Variants in ZNF587 observed in about 807,000 individuals in gnomAD.
The protein encoded by ZNF587 is zinc finger protein 587.
Under a neutral mutation model 7.5 loss-of-function variants are expected in ZNF587, and 8 were observed. The ratio of observed to expected loss-of-function variants is 1.06; its 90% CI spans 0.62 to 1.92. The LOEUF (loss-of-function observed/expected upper bound fraction) is 1.92, where lower values mean the gene tolerates loss of function less well. ZNF587 is among the 40% of genes most tolerant of loss of function. ZNF587 has a pLI of 0.00. For missense variants in ZNF587, 468 were observed against 692.8 expected (o/e 0.68, Z 3.64); for synonymous variants, 145 against 237.8 (o/e 0.61, Z 3.59).
chr19:57,858,409 G>A (rs543056676), intron 2 of ZNF587, 167 bp from the exon 3 acceptor site: 33 of 1,396,496 alleles, frequency 2.4e-5, no homozygotes, highest in Non-Finnish European at 2.8e-5. Context: ...TTACAGGTGT[G>A]AGCCACCATG....
rs559734861 is a variant in ZNF587 at position 57,862,991 on chromosome 19, C to G, written c.*2851C>G. ...TTTTTTTTGAGAAGTCTCACTCTTT[C>G]ACCCAGGCTGGAGTGCAGTGGCACG... On this transcript the variant is annotated 3_prime_UTR_variant, in exon 3 of 3. Transcript: ENST00000339656. 183 of 153,774 alleles carry G rather than the reference C, an allele frequency of 1.2e-3. 1 individual carries two copies. In the South Asian group the frequency reaches 0.037, roughly 31 times the overall value. The allele number at this position is 153,774 out of a possible 1,614,324, so 9.5% of individuals were successfully genotyped here. A position where few individuals can be genotyped will look rare whatever the true frequency, so the allele number is the denominator to read the frequency against.
chr19:57,864,456 ATGATGTATAGGCAC>A lies in ZNF587; in HGVS notation c.*4317_*4330del, dbSNP rs2071480163. ...TTATCCCTAGAAATCCTATGATAGC[ATGATGTATAGGCAC>A]CTAAAGGCATGGCACTTGAGAAATG... On this transcript the variant is annotated 3_prime_UTR_variant, in exon 3 of 3. Transcript: ENST00000339656. 1 of 152,038 alleles carries A rather than the reference ATGATGTATAGGCAC, an allele frequency of 6.6e-6. No individual in the cohort carries two copies. The highest frequency in any genetic ancestry group is 2.1e-4 in the South Asian group (1 of 4,812). 9.4% of individuals were successfully genotyped at this position (152,038 alleles called of 1,614,324 possible). A position where few individuals can be genotyped will look rare whatever the true frequency, so the allele number is the denominator to read the frequency against.
chr19:57,853,255 A>C (rs758610040), intron 1 of ZNF587, among the ~76,000 whole-genome samples: 30 of 152,232 alleles, frequency 2.0e-4, no homozygotes, highest in Non-Finnish European at 3.8e-4. Flanking sequence ...ACACTGCTTC[A>C]GCTGAGATGA....
Position 57,860,168 on chromosome 19 carries a change from T to A in ZNF587, c.*28T>A, listed in dbSNP as rs1209100958. 46 of 1,613,966 alleles carry A rather than the reference T, an allele frequency of 2.9e-5. No homozygotes were observed. The highest frequency in any genetic ancestry group is 3.8e-5 in the Non-Finnish European group (45 of 1,179,966). On this transcript the variant is annotated 3_prime_UTR_variant, in exon 3 of 3. Transcript: ENST00000339656. The stretch of plus-strand genomic sequence containing the variant: ...GCAGTGAATATGGGAAATCGTTTGC[T>A]GAAGCATCCCGTCTCGTTAAACACA...
chr19:57,855,890 A>C (rs544481242), intron 1 of ZNF587: 1 of 769,476 alleles, frequency 1.3e-6, no homozygotes, highest in African/African-American at 1.8e-5. Context: ...TTATGTCAGG[A>C]CCTCAGCATG....
chr19:57,852,842 T>A (rs970584053), intron 1 of ZNF587, among the ~76,000 whole-genome samples: 1 of 90,448 alleles, frequency 1.1e-5, no homozygotes, highest in Non-Finnish European at 2.3e-5. Flanking sequence ...CAGCTAGGCT[T>A]TTTTTTTTTT....
rs1568511234 is a variant in ZNF587 at position 57,862,985 on chromosome 19, CTCTT to C, written c.*2848_*2851del. 1 of 153,878 alleles carries C rather than the reference CTCTT, an allele frequency of 6.5e-6. No individual in the cohort carries two copies. The highest frequency in any genetic ancestry group is 6.5e-5 in the Admixed American group (1 of 15,286). 9.5% of individuals were successfully genotyped at this position (153,878 alleles called of 1,614,324 possible). A position where few individuals can be genotyped will look rare whatever the true frequency, so the allele number is the denominator to read the frequency against. On this transcript the variant is annotated 3_prime_UTR_variant, in exon 3 of 3. Coordinates refer to ENST00000339656, the MANE Select transcript of ZNF587 (RefSeq NM_032828.4). Reference sequence around the variant, plus strand: ...TTTGTGTTTTTTTTGAGAAGTCTCACTCTTTCACCCAGGCTGGAGTGCAGTGGCA... The same window carrying C: ...TTTGTGTTTTTTTTGAGAAGTCTCACTCACCCAGGCTGGAGTGCAGTGGCA...
At chr19:57,854,148 T>C (rs2071320360) in intron 1 of ZNF587, 1 of 152,084 alleles carries the variant, frequency 6.6e-6, no homozygotes, top group Non-Finnish European at 1.5e-5. Flanking sequence ...ATATGGGCAG[T>C]GAAAAATATG....
At chr19:57,850,327 G>A in intron 1 of ZNF587, 1 of 639,642 alleles carries the variant, frequency 1.6e-6, no homozygotes, top group South Asian at 2.1e-5. Flanking sequence ...CTGTTCGGGA[G>A]ACAGGAGTTT....
rs1185280881 is a variant in ZNF587 at position 57,862,278 on chromosome 19, T to C, written c.*2138T>C. 1 of 152,214 alleles carries C rather than the reference T, an allele frequency of 6.6e-6. No individual in the cohort carries two copies. Among genetic ancestry groups the C allele is most frequent in the Non-Finnish European group, 1.5e-5 (1 of 68,034 alleles). The allele number at this position is 152,214 out of a possible 1,614,324, so 9.4% of individuals were successfully genotyped here. On this transcript the variant is annotated 3_prime_UTR_variant, in exon 3 of 3. Transcript: ENST00000339656. ...TTTGTACTTCCTCACAGTTCTCACA[T>C]ATGGAAAGGATACACACTTTGTAGA...
intron 1 of ZNF587, 127 bp downstream of exon 1, chr19:57,850,198 A>T: frequency 1.9e-6 from 3 of 1,559,882 alleles, no homozygotes; most frequent in South Asian, 1.1e-5. Context: ...AGGCGCTCAC[A>T]GGAGGCCTCT....
At position 57,861,773 on chromosome 19, in the gene ZNF587, C is replaced by CTTTTTTTTTTTTTTTTTTTTTTTTTTTT. The variant is rs59253366; in HGVS notation, c.*1649_*1650insTTTTTTTTTTTTTTTTTTTTTTTTTTTT. The CTTTTTTTTTTTTTTTTTTTTTTTTTTTT allele has an allele frequency of 2.5e-5, 3 of 119,272 alleles. No homozygotes were observed. Among genetic ancestry groups the CTTTTTTTTTTTTTTTTTTTTTTTTTTTT allele is most frequent in the Admixed American group, 9.6e-5 (1 of 10,406 alleles). 7.4% of individuals were successfully genotyped at this position (119,272 alleles called of 1,614,324 possible). On this transcript the variant is annotated 3_prime_UTR_variant, in exon 3 of 3. Transcript: ENST00000339656. ...TTTGCTGCAAGGAATATTTGGTTTT[C>CTTTTTTTTTTTTTTTTTTTTTTTTTTTT]TTTTTTTTTTTTTTTTCCAGATGGA...
intron 1 of ZNF587, among the ~76,000 whole-genome samples, chr19:57,853,081 G>A (rs999372391): frequency 7.2e-5 from 11 of 151,976 alleles, no homozygotes; most frequent in African/African-American, 2.7e-4. Flanking sequence ...TCAAACTCCT[G>A]ACCTCAGGAG....
intron 2 of ZNF587, 23 bp downstream of exon 2, chr19:57,856,256 T>C: frequency 6.4e-7 from 1 of 1,555,218 alleles, no homozygotes; most frequent in Non-Finnish European, 8.7e-7. Context: ...CGCTCACCTT[T>C]GTGACCTGAG....
In ZNF587 at chr19:57,859,089, CA is replaced by C; in HGVS notation, c.678del (p.Val227LeufsTer253). On this transcript the variant is annotated frameshift_variant, in exon 3 of 3. Transcript: ENST00000339656. LOFTEE classifies it low-confidence loss of function (END_TRUNC). ...KRTKAFSTKHSVIPHQKLFTR... is the reference protein window; with the variant it reads ...KRTKAFSTKHXVIPHQKLFTR... ...ACAAAAGCCTTCAGCACCAAACACT[CA>C]GTTATTCCACACCAGAAACTTTTCA... The C allele has an allele frequency of 1.2e-6, 2 of 1,611,068 alleles. No homozygotes were observed.
chr19:57,859,214 T>G lies in ZNF587; in HGVS notation c.802T>G (p.Tyr268Asp), dbSNP rs535207484. 2.5e-6 allele frequency: 4 copies of G among 1,608,704 alleles called. No individual in the cohort carries two copies. The South Asian group carries it at 4.4e-5, about 18-fold the overall frequency. ...GCGAGATCACACTGCAAAAGGACCT[T>G]ATGATTGTGGAGAGTGTGGGAAATC... ...HQRDHTAKGP[Y>D]DCGECGKSYS... Residue 268 changes from tyrosine to aspartate, a missense_variant, in exon 3 of 3, where the codon TAT becomes GAT. Transcript: ENST00000339656.
chr19:57,856,961 T>C (rs975297612), intron 2 of ZNF587: 13 of 152,050 alleles, frequency 8.5e-5, no homozygotes, highest in African/African-American at 2.2e-4. Context: ...ACATAGACCA[T>C]AGACCATAGA....
chr19:57,860,250 A>G lies in ZNF587; in HGVS notation c.*110A>G. On this transcript the variant is annotated 3_prime_UTR_variant, in exon 3 of 3. Transcript: ENST00000339656. ...GTGCTGTCAATGTGGAAAACATCAGAATGTCTGCTGTCCTCGGTCTTAAGC... is the reference window on the plus strand; with the variant it reads ...GTGCTGTCAATGTGGAAAACATCAGGATGTCTGCTGTCCTCGGTCTTAAGC... The G allele has an allele frequency of 1.3e-6, 2 of 1,589,898 alleles. No individual in the cohort carries two copies. The highest frequency in any genetic ancestry group is 2.3e-5 in the South Asian group (2 of 88,854).
At chr19:57,856,313 C>A (rs149490583) in intron 2 of ZNF587, 80 bp downstream of exon 2, 4 of 1,528,464 alleles carry the variant, frequency 2.6e-6, no homozygotes, top group Non-Finnish European at 3.5e-6. Context: ...CTGTCTTTCT[C>A]ACCTAAGGAG....
Sources: gnomAD v4.1 joint callset for allele counts (sites outside exome capture counted in the v4.1 genomes callset) on GRCh38, gnomAD v4.1.1 for gene constraint, MANE v1.5 for transcripts, NCBI Gene and HGNC (gene_info 2026-07-23, HGNC 2026-07-21) for gene names.